UBE2G1: variants seen among roughly 807,000 people sequenced by gnomAD.
UBE2G1 encodes ubiquitin-conjugating enzyme E2 G1.
In UBE2G1, 5 loss-of-function variants were observed where a neutral mutation model predicts 22.7. That is an observed-to-expected ratio of 0.22 (90% CI 0.12 to 0.46). The LOEUF is 0.46. Among genes scored for constraint, UBE2G1 ranks in the 20% least tolerant of loss-of-function variants. The pLI, the probability that UBE2G1 is intolerant of heterozygous loss-of-function variation, is 0.99. For missense variants in UBE2G1, 88 were observed against 203.9 expected, an observed-to-expected ratio of 0.43 and a Z score of 3.46; for synonymous variants, 74 against 67.5, an observed-to-expected ratio of 1.10 and a Z score of -0.47.
At chr17:4,337,212 G>A (rs996940856) in intron 1 of UBE2G1, among the ~76,000 whole-genome samples, 5 of 151,806 alleles carry the variant, frequency 3.3e-5, no homozygotes, top group Admixed American at 6.6e-5. Flanking sequence ...ATCCTGGCGC[G>A]TGCCTGAAGT....
intron 2 of UBE2G1, 78 bp from the exon 3 acceptor site, chr17:4,296,892 A>G: frequency 7.8e-7 from 1 of 1,274,008 alleles, no homozygotes; most frequent in Non-Finnish European, 1.1e-6. Flanking sequence ...CAAATATAAA[A>G]CAAGGGTGCT....
chr17:4,294,023 CTT>C (rs1969075297), intron 3 of UBE2G1, among the ~76,000 whole-genome samples: 3 of 152,086 alleles, frequency 2.0e-5, no homozygotes, highest in Admixed American at 2.0e-4. Context: ...GTCATTTTCT[CTT>C]TTTGTCATGA....
chr17:4,353,061 A>G (rs1969863149), intron 1 of UBE2G1, among the ~76,000 whole-genome samples: 1 of 152,114 alleles, frequency 6.6e-6, no homozygotes, highest in Non-Finnish European at 1.5e-5. Flanking sequence ...TACTAAAAAT[A>G]CAAAAAATTA....
intron 2 of UBE2G1, 79 bp from the exon 3 acceptor site, chr17:4,296,893 C>T: frequency 7.9e-7 from 1 of 1,266,798 alleles, no homozygotes; most frequent in Non-Finnish European, 1.1e-6. Context: ...AAATATAAAA[C>T]AAGGGTGCTA....
intron 4 of UBE2G1, among the ~76,000 whole-genome samples, chr17:4,284,662 T>C (rs1968937006): frequency 6.6e-6 from 1 of 151,716 alleles, no homozygotes; most frequent in Non-Finnish European, 1.5e-5. Context: ...CAAAAACAAT[T>C]ACTCCTTCAT....
chr17:4,355,943 G>A (rs976791654), intron 1 of UBE2G1, among the ~76,000 whole-genome samples: 28 of 141,792 alleles, frequency 2.0e-4, no homozygotes, highest in Non-Finnish European at 3.2e-4. Context: ...CAGGTGATCC[G>A]CCCGCCTCGG....
intron 1 of UBE2G1, among the ~76,000 whole-genome samples, chr17:4,342,226 C>A (rs939599163): frequency 3.9e-5 from 6 of 152,180 alleles, no homozygotes; most frequent in African/African-American, 1.4e-4. Flanking sequence ...TGTCCTGCGT[C>A]TTTCTTTTCC....
chr17:4,363,656 G>T (rs1969993479), intron 1 of UBE2G1, among the ~76,000 whole-genome samples: 1 of 151,884 alleles, frequency 6.6e-6, no homozygotes, highest in Non-Finnish European at 1.5e-5. Context: ...TTTCCATTAT[G>T]TAAGAATTCA....
At chr17:4,337,801 TA>T (rs1382410950) in intron 1 of UBE2G1, among the ~76,000 whole-genome samples, 1 of 151,688 alleles carries the variant, frequency 6.6e-6, no homozygotes, top group African/African-American at 2.4e-5. Context: ...GGTTAGAAAA[TA>T]AACATTTAAA....
chr17:4,355,556 C>T (rs1369323021), intron 1 of UBE2G1, among the ~76,000 whole-genome samples: 2 of 145,696 alleles, frequency 1.4e-5, no homozygotes, highest in African/African-American at 2.5e-5. Context: ...GCGGGAGAAT[C>T]GCTTGAACCT....
rs545440650 is a variant in UBE2G1, at chr17:4,308,522, C to T, written c.47-1399G>A. ...CCTGGGTAACAGAGCAAGACTCCATCTCAAAAAGAAAAAAAACACACACAC... is the reference window on the plus strand; with the variant it reads ...CCTGGGTAACAGAGCAAGACTCCATTTCAAAAAGAAAAAAAACACACACAC... On this transcript the variant is annotated intron_variant, in intron 1 of 5. Coordinates refer to ENST00000396981, the MANE Select transcript of UBE2G1 (RefSeq NM_003342.5). Among the ~76,000 whole-genome samples, 9 of 152,200 alleles carry T rather than the reference C, an allele frequency of 5.9e-5. No homozygotes were observed. The East Asian group carries it at 1.7e-3, about 29-fold the overall frequency.
At chr17:4,350,757 A>G (rs533814865) in intron 1 of UBE2G1, among the ~76,000 whole-genome samples, 1 of 151,928 alleles carries the variant, frequency 6.6e-6, no homozygotes, top group African/African-American at 2.4e-5. Context: ...ATGAGGCTGG[A>G]CGTGTTGGCT....
At position 4,366,478 on chromosome 17, in the gene UBE2G1, C is replaced by T. The variant is rs373320357; in HGVS notation, c.-162G>A. 1.7e-6 allele frequency: 1 copy of T among 590,954 alleles called. No individual in the cohort carries two copies. The highest frequency in any genetic ancestry group is 3.4e-5 in the South Asian group (1 of 29,328). 36.6% of individuals were successfully genotyped at this position (590,954 alleles called of 1,614,324 possible). A position where few individuals can be genotyped will look rare whatever the true frequency, so the allele number is the denominator to read the frequency against. On this transcript the variant is annotated 5_prime_UTR_variant, in exon 1 of 6. Transcript: ENST00000396981. ...AGGCGGCGGGAGCGGCGCCTCGCTGCCGGTGCGAGTCCGCTCGCTTCAGCT... is the reference window on the plus strand; with the variant it reads ...AGGCGGCGGGAGCGGCGCCTCGCTGTCGGTGCGAGTCCGCTCGCTTCAGCT...
chr17:4,365,709 C>T (rs1970025842), intron 1 of UBE2G1, among the ~76,000 whole-genome samples: 2 of 152,294 alleles, frequency 1.3e-5, no homozygotes, highest in South Asian at 4.1e-4. Context: ...ACCCTCGCGC[C>T]CGCGTGGAGG....
chr17:4,312,311 G>T (rs549764859), intron 1 of UBE2G1, among the ~76,000 whole-genome samples: 1 of 152,252 alleles, frequency 6.6e-6, no homozygotes, highest in South Asian at 2.1e-4. Context: ...CACTGAGGTT[G>T]TAAGTTGATG....
chr17:4,363,791 A>T (rs1969996080), intron 1 of UBE2G1, among the ~76,000 whole-genome samples: 2 of 151,538 alleles, frequency 1.3e-5, no homozygotes, highest in Non-Finnish European at 2.9e-5. Context: ...TCTCTACTGA[A>T]AATACAAAAA....
In UBE2G1 at chr17:4,289,423, A is replaced by G. The variant is rs1189889016; in HGVS notation, c.248-15T>C. Reference sequence around the variant, plus strand: ...ATTTTTATCAACTGCAAAATTCAAGAAGAGGCTTGTTTCATATATTACTAA... The same window carrying G: ...ATTTTTATCAACTGCAAAATTCAAGGAGAGGCTTGTTTCATATATTACTAA... On this transcript the variant is annotated splice_polypyrimidine_tract_variant and intron_variant, in intron 3 of 5. Transcript: ENST00000396981. 4 of 1,465,746 alleles carry G rather than the reference A, an allele frequency of 2.7e-6. No individual in the cohort carries two copies. Among genetic ancestry groups the G allele is most frequent in the Admixed American group, 2.5e-5 (1 of 40,132 alleles). The allele number at this position is 1,465,746 out of a possible 1,614,324, so 90.8% of individuals were successfully genotyped here. A position where few individuals can be genotyped will look rare whatever the true frequency, so the allele number is the denominator to read the frequency against.
At chr17:4,335,390 G>T (rs1253338208) in intron 1 of UBE2G1, 3 of 152,176 alleles carry the variant, frequency 2.0e-5, no homozygotes, top group African/African-American at 7.2e-5. Flanking sequence ...GATGCCAGAA[G>T]ATAATGGAAT....
intron 3 of UBE2G1, among the ~76,000 whole-genome samples, chr17:4,294,450 G>T (rs1456122644): frequency 1.5e-5 from 1 of 67,588 alleles, no homozygotes; most frequent in African/African-American, 6.5e-5. Context: ...AGAAAGAAAC[G>T]AAAAGAAAAG....
Sources: gnomAD v4.1 joint callset for allele counts (sites outside exome capture counted in the v4.1 genomes callset) on GRCh38, gnomAD v4.1.1 for gene constraint, MANE v1.5 for transcripts, NCBI Gene and HGNC (gene_info 2026-07-23, HGNC 2026-07-21) for gene names.